Variants in BCL2 observed in about 807,000 individuals in gnomAD.
BCL2 encodes the protein apoptosis regulator Bcl-2.
BCL2 carries 1 observed loss-of-function variant against 14.2 expected under a neutral mutation model. That is an observed-to-expected ratio of 0.07 (90% confidence interval 0.02 to 0.33). The LOEUF is 0.33. Among genes scored for constraint, BCL2 ranks in the 10% least tolerant of loss-of-function variants. BCL2 has a pLI of 0.99. For missense variants in BCL2, 247 were observed against 305.9 expected (o/e 0.81, Z 1.44); for synonymous variants, 151 against 137.2 (o/e 1.10, Z -0.70).
At chr18:63,277,278 A>G (rs1912181142) in intron 2 of BCL2, among the ~76,000 whole-genome samples, 1 of 152,168 alleles carries the variant, frequency 6.6e-6, no homozygotes, top group Admixed American at 6.5e-5. Flanking sequence ...ATTAAGCTCT[A>G]TGAGAGTGAG....
intron 2 of BCL2, among the ~76,000 whole-genome samples, chr18:63,280,642 C>T (rs1912284106): frequency 6.6e-6 from 1 of 152,192 alleles, no homozygotes; most frequent in Non-Finnish European, 1.5e-5. Flanking sequence ...TTAACCACTT[C>T]ACACTCATGA....
At chr18:63,276,271 G>C (rs1334914793) in intron 2 of BCL2, among the ~76,000 whole-genome samples, 2 of 152,188 alleles carry the variant, frequency 1.3e-5, no homozygotes, top group African/African-American at 4.8e-5. Flanking sequence ...TTAAAACCTA[G>C]GTTGGGTCAC....
At chr18:63,158,969 T>C (rs1329912130) in intron 2 of BCL2, among the ~76,000 whole-genome samples, 2 of 152,202 alleles carry the variant, frequency 1.3e-5, no homozygotes, top group East Asian at 3.8e-4. Flanking sequence ...CTCCAGCCCA[T>C]GCCCTAGAGA....
intron 2 of BCL2, among the ~76,000 whole-genome samples, chr18:63,174,224 T>C (rs1036263671): frequency 6.6e-6 from 1 of 152,202 alleles, no homozygotes; most frequent in Non-Finnish European, 1.5e-5. Context: ...AAACAAAGAT[T>C]ACCTACTTCC....
chr18:63,308,174 C>T (rs1913198457), intron 2 of BCL2, among the ~76,000 whole-genome samples: 1 of 152,212 alleles, frequency 6.6e-6, no homozygotes, highest in Non-Finnish European at 1.5e-5. Context: ...TCTTGTTGAG[C>T]AGTGTCTTTA....
At chr18:63,244,122 G>A (rs1407803496) in intron 2 of BCL2, among the ~76,000 whole-genome samples, 1 of 152,156 alleles carries the variant, frequency 6.6e-6, no homozygotes, top group Non-Finnish European at 1.5e-5. Context: ...GCTCATGCTT[G>A]TAATCCCAGC....
chr18:63,155,334 A>G lies in BCL2; in HGVS notation c.586-26575T>C, dbSNP rs567633493. 4.6e-5 allele frequency among the ~76,000 whole-genome samples: 7 copies of G among 152,204 alleles called. No homozygotes were observed. In the South Asian group the frequency reaches 8.3e-4, roughly 18 times the overall value. On this transcript the variant is annotated intron_variant, in intron 2 of 2. Coordinates refer to ENST00000333681, the MANE Select transcript of BCL2 (RefSeq NM_000633.3). ...TCAACTTGAGGAGGCGACAAATCTCATTTGCAAAGGTGAGAAACTGTACAG... is the reference window on the plus strand; with the variant it reads ...TCAACTTGAGGAGGCGACAAATCTCGTTTGCAAAGGTGAGAAACTGTACAG...
chr18:63,318,265 C>T lies in BCL2; in HGVS notation c.402G>A (p.Val134=), dbSNP rs2144322439. 1 of 1,614,224 alleles carries T rather than the reference C, an allele frequency of 6.2e-7. No homozygotes were observed. ...FTARGRFATV[V]EELFRDGVNW... ...TCACCCCGTCCCTGAAGAGCTCCTC[C>T]ACCACCGTGGCAAAGCGTCCCCGCG... Residue 134 remains valine, a synonymous_variant, in exon 2 of 3, where the codon GTG becomes GTA. Transcript: ENST00000333681. This position sits in a 1 kb window ranked among gnomAD's most constrained non-coding sequence, Gnocchi z 7.4.
chr18:63,263,847 C>A (rs538984158), intron 2 of BCL2, among the ~76,000 whole-genome samples: 1 of 152,090 alleles, frequency 6.6e-6, no homozygotes, highest in Non-Finnish European at 1.5e-5. Context: ...TTTTTTTAGA[C>A]GGAGTTTCAC....
intron 2 of BCL2, chr18:63,314,997 A>G (rs1599308936): frequency 6.6e-6 from 1 of 152,186 alleles, no homozygotes; most frequent in South Asian, 2.1e-4. Flanking sequence ...TCCAAGTAAC[A>G]CTATAGATCT....
Position 63,281,144 on chromosome 18 carries a change from A to AGT in BCL2, c.585+36936_585+36937dup, listed in dbSNP as rs1438161747. On this transcript the variant is annotated intron_variant, in intron 2 of 2. Transcript: ENST00000333681. ...AGTCAAGTTCATAGAGGCAGGCAGT[A>AGT]GTATGGTGGTTGCCAAGGCTGCAGG... Among the ~76,000 whole-genome samples, 3 of 152,236 alleles carry AGT rather than the reference A, an allele frequency of 2.0e-5. No homozygotes were observed. In the East Asian group the frequency reaches 5.8e-4, roughly 29 times the overall value.
intron 2 of BCL2, among the ~76,000 whole-genome samples, chr18:63,304,983 T>C (rs1913078924): frequency 2.0e-5 from 3 of 152,184 alleles, no homozygotes; most frequent in African/African-American, 7.2e-5. Context: ...TGAAAGGGGC[T>C]GTTTTACAGG....
At chr18:63,261,822 C>T (rs1001510465) in intron 2 of BCL2, among the ~76,000 whole-genome samples, 1 of 150,346 alleles carries the variant, frequency 6.7e-6, no homozygotes, top group African/African-American at 2.5e-5. Context: ...GACAGAATCT[C>T]GCTCTGGAGT....
chr18:63,273,043 T>G (rs1373433491), intron 2 of BCL2, among the ~76,000 whole-genome samples: 1 of 151,836 alleles, frequency 6.6e-6, no homozygotes, highest in African/African-American at 2.4e-5. Flanking sequence ...CTTTTTAACC[T>G]TTTAGGAAGA....
At chr18:63,151,522 G>T (rs9965829) in intron 2 of BCL2, among the ~76,000 whole-genome samples, 1 of 134,816 alleles carries the variant, frequency 7.4e-6, no homozygotes, top group South Asian at 2.6e-4. Flanking sequence ...TGGGGGCGAG[G>T]GGAGGGGACA....
At chr18:63,286,729 G>C (rs1363551044) in intron 2 of BCL2, among the ~76,000 whole-genome samples, 2 of 152,158 alleles carry the variant, frequency 1.3e-5, no homozygotes, top group Non-Finnish European at 2.9e-5. Flanking sequence ...AAGAAGTAAG[G>C]AGAGAAGGCA....
chr18:63,169,655 T>G (rs999973673), intron 2 of BCL2, among the ~76,000 whole-genome samples: 4 of 151,740 alleles, frequency 2.6e-5, no homozygotes, highest in African/African-American at 9.7e-5. Context: ...CCCGAGTAGC[T>G]GGGACTACAG....
At chr18:63,259,711 G>A (rs1164125518) in intron 2 of BCL2, among the ~76,000 whole-genome samples, 7 of 152,202 alleles carry the variant, frequency 4.6e-5, no homozygotes, top group East Asian at 1.9e-4. Flanking sequence ...CATATTGCAG[G>A]GGGCAAGGTC....
At chr18:63,199,702 A>C (rs2144662718) in intron 2 of BCL2, among the ~76,000 whole-genome samples, 1 of 152,166 alleles carries the variant, frequency 6.6e-6, no homozygotes. Flanking sequence ...GACACACTAC[A>C]TATGCACAGA....
Sources: gnomAD v4.1 joint callset for allele counts (sites outside exome capture counted in the v4.1 genomes callset) on GRCh38, gnomAD v4.1.1 for gene constraint, Gnocchi (gnomAD v3.1) non-coding constraint, MANE v1.5 for transcripts, NCBI Gene and HGNC (gene_info 2026-07-23, HGNC 2026-07-21) for gene names.